Variants in FBXL7 observed in about 807,000 individuals in gnomAD.
FBXL7 encodes F-box and leucine rich repeat protein 7.
In FBXL7, 12 loss-of-function variants were observed where a neutral mutation model predicts 38.3. The ratio of observed to expected loss-of-function variants is 0.31; its 90% CI spans 0.20 to 0.51. The LOEUF is 0.51. FBXL7 is among the 20% of genes least tolerant of loss of function. The pLI is 0.98. For missense variants in FBXL7, 567 were observed against 676.4 expected (o/e 0.84, Z 1.79); for synonymous variants, 297 against 300.9 (o/e 0.99, Z 0.13).
chr5:15,613,201 T>C (rs1371165012), intron 1 of FBXL7, among the ~76,000 whole-genome samples: 2 of 152,188 alleles, frequency 1.3e-5, no homozygotes, highest in African/African-American at 2.4e-5. Context: ...CAAAGAATTA[T>C]AGACTGAGCT....
intron 2 of FBXL7, among the ~76,000 whole-genome samples, chr5:15,815,341 A>G (rs1381589914): frequency 6.6e-6 from 1 of 152,202 alleles, no homozygotes; most frequent in African/African-American, 2.4e-5. Flanking sequence ...TCCAACCTCC[A>G]TGGAAACAGA....
chr5:15,660,061 G>T (rs1290112825), intron 2 of FBXL7, among the ~76,000 whole-genome samples: 1 of 152,146 alleles, frequency 6.6e-6, no homozygotes. Context: ...TTGTAACATG[G>T]AGAGGTCTGC....
At chr5:15,835,181 A>G (rs1561144842) in intron 2 of FBXL7, among the ~76,000 whole-genome samples, 1 of 152,176 alleles carries the variant, frequency 6.6e-6, no homozygotes, top group Non-Finnish European at 1.5e-5. Context: ...TATAATTTTT[A>G]AGGAACTCAG....
chr5:15,883,794 C>T (rs909306012), intron 2 of FBXL7, among the ~76,000 whole-genome samples: 2 of 152,132 alleles, frequency 1.3e-5, no homozygotes, highest in African/African-American at 4.8e-5. Flanking sequence ...TTTACCAGAC[C>T]ATTCCAAGTA....
intron 2 of FBXL7, among the ~76,000 whole-genome samples, chr5:15,922,107 A>C (rs1402785700): frequency 1.3e-5 from 2 of 151,758 alleles, no homozygotes; most frequent in African/African-American, 2.4e-5. Flanking sequence ...ATGGGTAAAG[A>C]AACTATTTTA....
chr5:15,635,764 G>C (rs1263669761), intron 2 of FBXL7, among the ~76,000 whole-genome samples: 1 of 152,152 alleles, frequency 6.6e-6, no homozygotes. Flanking sequence ...GAGCCAACAC[G>C]GTACTTTGAG....
chr5:15,519,118 C>G (rs556952645), intron 1 of FBXL7, among the ~76,000 whole-genome samples: 5 of 151,802 alleles, frequency 3.3e-5, no homozygotes, highest in Non-Finnish European at 7.4e-5. Flanking sequence ...CTGAGGCGGG[C>G]GGATCACCTG....
At chr5:15,550,716 A>T (rs2126421294) in intron 1 of FBXL7, among the ~76,000 whole-genome samples, 1 of 152,338 alleles carries the variant, frequency 6.6e-6, no homozygotes, top group African/African-American at 2.4e-5. Flanking sequence ...ACAAGTTCAG[A>T]TCTCTTTGTG....
Position 15,500,703 on chromosome 5 carries a change from C to G in FBXL7, c.27C>G (p.Tyr9Ter), listed in dbSNP as rs370588108. 2 of 1,609,162 alleles carry G rather than the reference C, an allele frequency of 1.2e-6. No individual in the cohort carries two copies. The highest frequency in any genetic ancestry group is 8.5e-7 in the Non-Finnish European group (1 of 1,177,536). Residue 9 changes from tyrosine to a stop codon, truncating the protein, a stop_gained, in exon 1 of 4, where the codon TAC (tyrosine) becomes TAG (stop). Transcript: ENST00000504595. LOFTEE classifies it high-confidence loss of function. MGANNGKQ[Y>*]GSEGKGSSSI... ...TGGGCGCGAACAATGGCAAACAGTACGGCAGTGAGGGTGAGTGGGCCGCCC... is the reference window on the plus strand; with the variant it reads ...TGGGCGCGAACAATGGCAAACAGTAGGGCAGTGAGGGTGAGTGGGCCGCCC...
At chr5:15,561,899 A>C (rs1738425365) in intron 1 of FBXL7, among the ~76,000 whole-genome samples, 1 of 152,154 alleles carries the variant, frequency 6.6e-6, no homozygotes, top group Non-Finnish European at 1.5e-5. Flanking sequence ...AAGCAAAAGT[A>C]ATCAAAACAG....
intron 2 of FBXL7, among the ~76,000 whole-genome samples, chr5:15,898,933 A>G (rs952883214): frequency 6.6e-6 from 1 of 151,940 alleles, no homozygotes; most frequent in Admixed American, 6.6e-5. Context: ...TTTTGAAAGG[A>G]CTGAATAAGT....
intron 1 of FBXL7, among the ~76,000 whole-genome samples, chr5:15,528,196 T>A (rs1434783708): frequency 6.6e-6 from 1 of 152,142 alleles, no homozygotes; most frequent in Non-Finnish European, 1.5e-5. Flanking sequence ...CCCTCCCTAA[T>A]CTACTAAGAT....
Position 15,936,346 on chromosome 5 carries a change from C to G in FBXL7, c.740-104C>G. The stretch of plus-strand genomic sequence containing the variant: ...AGACAGGAAAGGGTAACATCAGCCT[C>G]GGACCCAGACTTGGGCGAGGGTCAG... On this transcript the variant is annotated intron_variant, in intron 3 of 3. Transcript: ENST00000504595. The surrounding 1 kb of genome is among the most constrained non-coding windows in gnomAD (Gnocchi z 6.0). The G allele has an allele frequency of 7.1e-7, 1 of 1,406,972 alleles. No homozygotes were observed. Among genetic ancestry groups the G allele is most frequent in the South Asian group, 1.4e-5 (1 of 71,666 alleles). 87.2% of individuals were successfully genotyped at this position (1,406,972 alleles called of 1,614,324 possible).
At chr5:15,712,365 A>G in intron 2 of FBXL7, among the ~76,000 whole-genome samples, 1 of 127,106 alleles carries the variant, frequency 7.9e-6, no homozygotes, top group Admixed American at 7.9e-5. Context: ...AAAAAAAAAA[A>G]AACCTAAAAC....
chr5:15,748,319 T>G (rs1731185631), intron 2 of FBXL7, among the ~76,000 whole-genome samples: 2 of 152,246 alleles, frequency 1.3e-5, no homozygotes, highest in African/African-American at 4.8e-5. Flanking sequence ...ATGCTAATGT[T>G]TCTCACCACT....
At chr5:15,856,419 G>A (rs997973668) in intron 2 of FBXL7, among the ~76,000 whole-genome samples, 1 of 151,996 alleles carries the variant, frequency 6.6e-6, no homozygotes, top group Non-Finnish European at 1.5e-5. Flanking sequence ...TGGGAGGTGG[G>A]AGAGGATCAG....
chr5:15,892,140 G>C (rs1250427327), intron 2 of FBXL7, among the ~76,000 whole-genome samples: 2 of 152,218 alleles, frequency 1.3e-5, no homozygotes, highest in Non-Finnish European at 2.9e-5. Flanking sequence ...AGAAAGCCTG[G>C]GGGACAGGGG....
intron 2 of FBXL7, among the ~76,000 whole-genome samples, chr5:15,790,277 G>A (rs1375279894): frequency 6.6e-6 from 1 of 152,076 alleles, no homozygotes; most frequent in African/African-American, 2.4e-5. Context: ...GCTTTCCTCT[G>A]AGCACAGAAT....
At chr5:15,774,408 G>A (rs79804091) in intron 2 of FBXL7, among the ~76,000 whole-genome samples, 9,535 of 152,226 alleles carry the variant, frequency 0.063, 301 homozygotes, top group East Asian at 0.1. Context: ...ATCTTTGGTG[G>A]AGGGTGGGGG....
Sources: allele counts gnomAD v4.1 joint callset (sites outside exome capture counted in the v4.1 genomes callset), GRCh38; gene constraint gnomAD v4.1.1; non-coding constraint Gnocchi (gnomAD v3.1); transcripts MANE v1.5; gene names NCBI Gene and HGNC (gene_info 2026-07-23, HGNC 2026-07-21).